VNN1: variants seen among roughly 807,000 people sequenced by gnomAD.
VNN1 encodes vanin 1, also known as pantetheinase.
Under a neutral mutation model 41.9 loss-of-function variants are expected in VNN1, and 29 were observed. The observed-to-expected ratio is 0.69, with a 90% confidence interval of 0.52 to 0.94. VNN1 has a LOEUF of 0.94. Among genes scored for constraint, VNN1 ranks in the 40% least tolerant of loss-of-function variants. The pLI is 0.00. For missense variants in VNN1, 637 were observed against 621.1 expected, an observed-to-expected ratio of 1.03 and a Z score of -0.27; for synonymous variants, 233 against 224.4, an observed-to-expected ratio of 1.04 and a Z score of -0.34.
chr6:132,694,870 G>A (rs1778346164), intron 2 of VNN1, among the ~76,000 whole-genome samples: 2 of 151,958 alleles, frequency 1.3e-5, no homozygotes, highest in Non-Finnish European at 2.9e-5. Flanking sequence ...AAATTTTGGG[G>A]GGCCAGGTGT....
rs373297417 is a variant in VNN1 at position 132,701,127 on chromosome 6, CTCTT to C, written c.342-6949_342-6946del. On this transcript the variant is annotated intron_variant, in intron 2 of 6. Coordinates refer to ENST00000367928, the MANE Select transcript of VNN1 (RefSeq NM_004666.3). ...ACAAGTCTGGAAAGGTACACTGTGACTCTTTATTTCTAACATTGATCTAACTTTC... is the reference window on the plus strand; with the variant it reads ...ACAAGTCTGGAAAGGTACACTGTGACTATTTCTAACATTGATCTAACTTTC... 1.3e-4 allele frequency among the ~76,000 whole-genome samples: 20 copies of C among 152,268 alleles called. 1 individual carries two copies. Among genetic ancestry groups the C allele is most frequent in the Admixed American group, 1.2e-3 (19 of 15,292 alleles).
At chr6:132,696,511 A>G (rs1395656226) in intron 2 of VNN1, among the ~76,000 whole-genome samples, 1 of 152,228 alleles carries the variant, frequency 6.6e-6, no homozygotes, top group East Asian at 1.9e-4. Context: ...AAGACACACT[A>G]TAATCAAATT....
rs548987047 is a variant in VNN1, at chr6:132,693,439, G to T, written c.535-124C>A. ...TTTCATCTATGATCAGTGTTTTCAT[G>T]GGAAATGAGTTTGCTTTAGAGAATC... is the stretch of plus-strand genomic sequence containing the variant. On this transcript the variant is annotated intron_variant, in intron 3 of 6. Transcript: ENST00000367928. 106 of 1,069,994 alleles carry T rather than the reference G, an allele frequency of 9.9e-5. No homozygotes were observed. The African/African-American group carries it at 1.4e-3, about 15-fold the overall frequency. 66.3% of individuals were successfully genotyped at this position (1,069,994 alleles called of 1,614,324 possible).
chr6:132,684,721 TA>T (rs370634739), intron 5 of VNN1, among the ~76,000 whole-genome samples: 3,463 of 148,716 alleles, frequency 0.023, 51 homozygotes, highest in South Asian at 0.051. Flanking sequence ...TAGATGCTCT[TA>T]AAAAAAAAAC....
At chr6:132,709,672 AAAAGAG>A (rs1363543968) in intron 2 of VNN1, among the ~76,000 whole-genome samples, 1 of 151,782 alleles carries the variant, frequency 6.6e-6, no homozygotes, top group Admixed American at 6.6e-5. Flanking sequence ...AAAAAAAAAA[AAAAGAG>A]AGAGAGAGAC....
chr6:132,686,915 T>C (rs1029719045), intron 5 of VNN1, among the ~76,000 whole-genome samples: 1 of 151,954 alleles, frequency 6.6e-6, no homozygotes, highest in Admixed American at 6.6e-5. Context: ...TCTTGGAAAT[T>C]AAGAACATGT....
At chr6:132,692,977 TC>T in intron 4 of VNN1, 46 bp downstream of exon 4, 1 of 1,522,732 alleles carries the variant, frequency 6.6e-7, no homozygotes, top group Non-Finnish European at 8.8e-7. Context: ...TTTTTTCTTT[TC>T]TTTTCTGATT....
Position 132,712,253 on chromosome 6 carries a change from G to A in VNN1, c.211-414C>T, listed in dbSNP as rs575292129. Among the ~76,000 whole-genome samples, 8 of 151,188 alleles carry A rather than the reference G, an allele frequency of 5.3e-5. No individual in the cohort carries two copies. In the South Asian group the frequency reaches 1.5e-3, roughly 28 times the overall value. ...CAATCTCCACCTCCCGGGTTCAAGC[G>A]ATTCTCCCGCCTCAGCCTCATAAGT... is the stretch of plus-strand genomic sequence containing the variant. On this transcript the variant is annotated intron_variant, in intron 1 of 6. Coordinates refer to ENST00000367928, the MANE Select transcript of VNN1 (RefSeq NM_004666.3).
At position 132,683,265 on chromosome 6, in the gene VNN1, C is replaced by T. The variant is rs1237105933; in HGVS notation, c.1417G>A (p.Val473Ile). Residue 473 changes from valine to isoleucine, a missense_variant, in exon 7 of 7, where the codon GTA (valine) becomes ATA (isoleucine). Transcript: ENST00000367928. The stretch of plus-strand genomic sequence containing the variant: ...TCATACAACCTCCCAAACAGAGTTA[C>T]TGTTAAGACAGGTCCGGATGTTGGC... The part of the protein sequence containing the change: ...LKPTSGPVLT[V>I]TLFGRLYEKD... The T allele has an allele frequency of 6.2e-7, 1 of 1,613,970 alleles. No homozygotes were observed. The highest frequency in any genetic ancestry group is 8.5e-7 in the Non-Finnish European group (1 of 1,180,002).
At chr6:132,688,695 T>A (rs1778238671) in intron 5 of VNN1, among the ~76,000 whole-genome samples, 1 of 152,176 alleles carries the variant, frequency 6.6e-6, no homozygotes, top group Non-Finnish European at 1.5e-5. Context: ...ACCATATGAA[T>A]GTCACATATA....
intron 2 of VNN1, among the ~76,000 whole-genome samples, chr6:132,701,594 G>A (rs181370926): frequency 1.3e-5 from 2 of 152,280 alleles, no homozygotes; most frequent in Admixed American, 1.3e-4. Flanking sequence ...AGGAAGCAGA[G>A]GAAGATGGCC....
chr6:132,701,753 G>A (rs77917877), intron 2 of VNN1, among the ~76,000 whole-genome samples: 6,894 of 152,286 alleles, frequency 0.045, 353 homozygotes, highest in South Asian at 0.14. Context: ...AGGCACTGAA[G>A]GAGGTAAGAA....
rs750337637 is a variant in VNN1 at position 132,693,252 on chromosome 6, T to C, written c.598A>G (p.Asn200Asp). 2 of 1,614,082 alleles carry C rather than the reference T, an allele frequency of 1.2e-6. No individual in the cohort carries two copies. The highest frequency in any genetic ancestry group is 1.7e-6 in the Non-Finnish European group (2 of 1,179,974). The change falls in exon 4 of 7, where the codon AAT (asparagine) becomes GAT (aspartate). Residue 200 changes from asparagine to aspartate, a missense_variant. By Grantham distance (23) the Asn-to-Asp change is conservative (BLOSUM62 1). Coordinates refer to ENST00000367928, the MANE Select transcript of VNN1 (RefSeq NM_004666.3). ...VPKEPEIVTFNTTFGSFGIFT... is the reference protein window; with the variant it reads ...VPKEPEIVTFDTTFGSFGIFT... ...ATGCCAAAACTTCCAAAGGTGGTAT[T>C]GAAAGTCACAATCTCAGGCTCCTTG...
intron 2 of VNN1, among the ~76,000 whole-genome samples, chr6:132,698,487 A>C (rs1778404061): frequency 6.6e-6 from 1 of 152,268 alleles, no homozygotes; most frequent in African/African-American, 2.4e-5. Context: ...TGCTATGCTT[A>C]TAAAGCATTA....
At chr6:132,713,168 T>C (rs927095148) in intron 1 of VNN1, among the ~76,000 whole-genome samples, 3 of 152,218 alleles carry the variant, frequency 2.0e-5, no homozygotes, top group Non-Finnish European at 4.4e-5. Context: ...TATAGATATA[T>C]GTAATACACA....
chr6:132,708,827 G>T (rs1334482798), intron 2 of VNN1, among the ~76,000 whole-genome samples: 1 of 152,042 alleles, frequency 6.6e-6, no homozygotes, highest in Non-Finnish European at 1.5e-5. Context: ...TCTCAACATT[G>T]CGCTCCTCCT....
chr6:132,687,355 ACT>A (rs1778223839), intron 5 of VNN1, among the ~76,000 whole-genome samples: 2 of 152,332 alleles, frequency 1.3e-5, no homozygotes, highest in South Asian at 4.1e-4. Flanking sequence ...CATCCCGATC[ACT>A]CTCTTTCCGG....
chr6:132,709,529 G>A (rs1304568856), intron 2 of VNN1, among the ~76,000 whole-genome samples: 1 of 152,018 alleles, frequency 6.6e-6, no homozygotes. Context: ...AAACTAGCTG[G>A]GTGTTGTGGC....
intron 2 of VNN1, among the ~76,000 whole-genome samples, chr6:132,706,174 C>T (rs972265908): frequency 1.1e-4 from 16 of 151,910 alleles, no homozygotes; most frequent in Non-Finnish European, 2.2e-4. Flanking sequence ...CTGAAATTTA[C>T]GTGGAAACAC....
Sources: allele counts gnomAD v4.1 joint callset (sites outside exome capture counted in the v4.1 genomes callset), GRCh38; gene constraint gnomAD v4.1.1; transcripts MANE v1.5; gene names NCBI Gene and HGNC (gene_info 2026-07-23, HGNC 2026-07-21).